The following AMPH variants were observed in gnomAD, a reference collection of about 807,000 sequenced individuals.
AMPH encodes the protein amphiphysin.
A neutral mutation model predicts 99.1 loss-of-function variants in AMPH; 49 were observed. The ratio of observed to expected loss-of-function variants is 0.49; its 90% confidence interval spans 0.39 to 0.63. The LOEUF is 0.63. Among genes scored for constraint, AMPH ranks in the 20% least tolerant of loss-of-function variants. The pLI is 0.00. For missense variants in AMPH, 759 were observed against 863.4 expected, an observed-to-expected ratio of 0.88 and a Z score of 1.52; for synonymous variants, 314 against 317.3, an observed-to-expected ratio of 0.99 and a Z score of 0.11.
chr7:38,602,773 G>A (rs1355108350), intron 1 of AMPH, among the ~76,000 whole-genome samples: 15 of 152,108 alleles, frequency 9.9e-5, no homozygotes, highest in Admixed American at 9.8e-4. Flanking sequence ...ATACCTTGAC[G>A]TGACACCCTG....
At chr7:38,620,544 T>TACAC (rs1348103863) in intron 1 of AMPH, among the ~76,000 whole-genome samples, 135 of 111,220 alleles carry the variant, frequency 1.2e-3, no homozygotes, top group Admixed American at 2.8e-3. Flanking sequence ...TATATATACA[T>TACAC]ACATACACAC....
At chr7:38,454,643 T>C (rs1224497026) in intron 11 of AMPH, among the ~76,000 whole-genome samples, 1 of 152,194 alleles carries the variant, frequency 6.6e-6, no homozygotes, top group Non-Finnish European at 1.5e-5. Flanking sequence ...CTGACTTTCA[T>C]TTGCCAATTC....
At chr7:38,490,079 A>G (rs942957792) in intron 5 of AMPH, among the ~76,000 whole-genome samples, 1 of 152,204 alleles carries the variant, frequency 6.6e-6, no homozygotes, top group Non-Finnish European at 1.5e-5. Context: ...ACAAATCCCA[A>G]GGCAAAAATT....
At chr7:38,419,153 G>GT (rs1785497299) in intron 16 of AMPH, among the ~76,000 whole-genome samples, 2 of 152,208 alleles carry the variant, frequency 1.3e-5, no homozygotes, top group African/African-American at 2.4e-5. Context: ...GGAGAAATCA[G>GT]TAACTTCTAT....
intron 1 of AMPH, among the ~76,000 whole-genome samples, chr7:38,599,065 CTT>C (rs1793157918): frequency 6.6e-6 from 1 of 152,170 alleles, no homozygotes; most frequent in African/African-American, 2.4e-5. Context: ...GATTTCCTCT[CTT>C]TGACTTAAGT....
At chr7:38,441,819 C>CAT (rs113890112) in intron 11 of AMPH, among the ~76,000 whole-genome samples, 720 of 70,658 alleles carry the variant, frequency 0.01, 34 homozygotes, top group African/African-American at 0.035. Flanking sequence ...TCATATATAT[C>CAT]ATATATCATA....
intron 1 of AMPH, among the ~76,000 whole-genome samples, chr7:38,598,427 C>T (rs1359363460): frequency 6.6e-6 from 1 of 152,110 alleles, no homozygotes; most frequent in African/African-American, 2.4e-5. Flanking sequence ...CTCAGCCTCC[C>T]AAGTAGCTGG....
chr7:38,625,665 A>C (rs1794216273), intron 1 of AMPH, among the ~76,000 whole-genome samples: 1 of 152,228 alleles, frequency 6.6e-6, no homozygotes, highest in African/African-American at 2.4e-5. Context: ...ACTTTAATGA[A>C]ACTTCACAAA....
intron 4 of AMPH, among the ~76,000 whole-genome samples, chr7:38,491,606 T>C (rs1788720226): frequency 6.6e-6 from 1 of 152,230 alleles, no homozygotes; most frequent in African/African-American, 2.4e-5. Context: ...TCTTACCATT[T>C]ATGGAGTATC....
chr7:38,601,711 C>A (rs894166639), intron 1 of AMPH, among the ~76,000 whole-genome samples: 1 of 152,158 alleles, frequency 6.6e-6, no homozygotes, highest in Non-Finnish European at 1.5e-5. Flanking sequence ...AAAGATCTGC[C>A]TGGAAATCCC....
chr7:38,579,813 T>C lies in AMPH; in HGVS notation c.70-44802A>G, dbSNP rs987078947. Among the ~76,000 whole-genome samples the C allele has an allele frequency of 2.6e-5, 4 of 152,358 alleles. No homozygotes were observed. The South Asian group carries it at 6.2e-4, about 24-fold the overall frequency. ...TGAAGTATTGATGTTAATCCCTACA[T>C]AACCTAAATGTAACATTGAGCTAGC... On this transcript the variant is annotated intron_variant, in intron 1 of 20. Coordinates refer to ENST00000356264, the MANE Select transcript of AMPH (RefSeq NM_001635.4).
rs534251924 is a variant in AMPH, at chr7:38,439,096, C to A, written c.1018-2708G>T. On this transcript the variant is annotated intron_variant, in intron 11 of 20. Transcript: ENST00000356264. Reference sequence around the variant, plus strand: ...GATGGTTTTAAAGTGTGGCACTTCCCCCCTGCTGTCTCTCTCCTGCCACCA... The same window carrying A: ...GATGGTTTTAAAGTGTGGCACTTCCACCCTGCTGTCTCTCTCCTGCCACCA... Among the ~76,000 whole-genome samples the A allele has an allele frequency of 7.9e-5, 12 of 152,228 alleles. No homozygotes were observed. In the South Asian group the frequency reaches 2.3e-3, roughly 29 times the overall value.
At chr7:38,478,894 C>T (rs962512282) in intron 5 of AMPH, among the ~76,000 whole-genome samples, 1 of 151,994 alleles carries the variant, frequency 6.6e-6, no homozygotes, top group Non-Finnish European at 1.5e-5. Context: ...TACTTGAAGA[C>T]AGGTCACAAT....
chr7:38,455,990 C>T (rs1396236792), intron 11 of AMPH, among the ~76,000 whole-genome samples: 1 of 152,210 alleles, frequency 6.6e-6, no homozygotes, highest in Non-Finnish European at 1.5e-5. Context: ...TCCCCACAGA[C>T]CCACAGCTAC....
chr7:38,590,028 T>C (rs866827042), intron 1 of AMPH, among the ~76,000 whole-genome samples: 7 of 152,114 alleles, frequency 4.6e-5, no homozygotes, highest in African/African-American at 1.7e-4. Context: ...TGAAATGACA[T>C]TGATGGAGTG....
intron 11 of AMPH, among the ~76,000 whole-genome samples, chr7:38,449,141 T>G (rs1300034628): frequency 1.3e-5 from 2 of 152,176 alleles, no homozygotes; most frequent in African/African-American, 2.4e-5. Flanking sequence ...TTACCAATAA[T>G]GCACTGATAT....
intron 1 of AMPH, among the ~76,000 whole-genome samples, chr7:38,624,095 T>C (rs570500528): frequency 6.6e-6 from 1 of 152,206 alleles, no homozygotes; most frequent in African/African-American, 2.4e-5. Flanking sequence ...ACAGAAAGAA[T>C]TGTGGAAGGA....
chr7:38,438,685 A>G (rs1256292924), intron 11 of AMPH, among the ~76,000 whole-genome samples: 1 of 152,178 alleles, frequency 6.6e-6, no homozygotes, highest in African/African-American at 2.4e-5. Context: ...ATTGAGATCA[A>G]TCTGTGGTTA....
intron 2 of AMPH, among the ~76,000 whole-genome samples, chr7:38,522,714 G>A (rs1790013980): frequency 6.6e-6 from 1 of 152,192 alleles, no homozygotes; most frequent in African/African-American, 2.4e-5. Flanking sequence ...ACATGGTCAG[G>A]AGGCTGGTTA....
Sources: allele counts gnomAD v4.1 joint callset (sites outside exome capture counted in the v4.1 genomes callset), GRCh38; gene constraint gnomAD v4.1.1; transcripts MANE v1.5; gene names NCBI Gene and HGNC (gene_info 2026-07-23, HGNC 2026-07-21).